SLC35F4: variants seen among roughly 807,000 people sequenced by gnomAD.
SLC35F4 encodes the protein chromosome 14 open reading frame 36.
A neutral mutation model predicts 44.2 loss-of-function variants in SLC35F4; 24 were observed. The observed-to-expected ratio is 0.54, with a 90% CI of 0.39 to 0.76. SLC35F4 has a LOEUF of 0.76. SLC35F4 is among the 30% of genes least tolerant of loss of function. The probability of loss-of-function intolerance (pLI) is 0.00; values close to 1 mark genes in which losing one functional copy is unlikely to be tolerated. For missense variants in SLC35F4, 562 were observed against 586.1 expected, an observed-to-expected ratio of 0.96 and a Z score of 0.42; for synonymous variants, 238 against 223.6, an observed-to-expected ratio of 1.06 and a Z score of -0.57.
Position 57,956,050 on chromosome 14 carries a change from G to A in SLC35F4, n.282+25863C>T, listed in dbSNP as rs145342442. 3.7e-3 allele frequency among the ~76,000 whole-genome samples: 556 copies of A among 152,134 alleles called. 4 individuals carry two copies. Among genetic ancestry groups the A allele is most frequent in the African/African-American group, 0.013 (536 of 41,514 alleles). On this transcript the variant is annotated intron_variant and non_coding_transcript_variant, in intron 1 of 1. Transcript: ENST00000556568. ...ACCTGACTTCAAACTATACTATAAG[G>A]CTACAATAAACAAAACAGCATGGTA...
At chr14:57,830,216 T>C (rs1391626959) in intron 1 of SLC35F4, among the ~76,000 whole-genome samples, 1 of 152,196 alleles carries the variant, frequency 6.6e-6, no homozygotes, top group Non-Finnish European at 1.5e-5. Flanking sequence ...TTTTCAGCTT[T>C]GTAACATTTC....
At chr14:57,761,571 A>T (rs893956578) in intron 1 of SLC35F4, among the ~76,000 whole-genome samples, 1 of 152,206 alleles carries the variant, frequency 6.6e-6, no homozygotes, top group Non-Finnish European at 1.5e-5. Flanking sequence ...TCCCTACTGT[A>T]CATTAAACTA....
At chr14:57,956,666 T>C (rs1174536160) in intron 1 of SLC35F4, among the ~76,000 whole-genome samples, 1 of 152,134 alleles carries the variant, frequency 6.6e-6, no homozygotes, top group Admixed American at 6.5e-5. Context: ...AAGACATTTA[T>C]GTGGCCAACA....
chr14:57,735,626 A>G (rs1281991311), intron 1 of SLC35F4, among the ~76,000 whole-genome samples: 5 of 152,162 alleles, frequency 3.3e-5, no homozygotes, highest in South Asian at 2.1e-4. Context: ...AAAAAGTACA[A>G]TGTTCCTCAA....
intron 6 of SLC35F4, among the ~76,000 whole-genome samples, chr14:57,568,776 A>G (rs12100542): frequency 0.27 from 40,441 of 152,056 alleles, 5,597 homozygotes; most frequent in Admixed American, 0.36. Context: ...GGGTTGATGG[A>G]TGTTCTGCAG....
At chr14:57,635,653 CTTAA>C (rs1486929719) in intron 1 of SLC35F4, among the ~76,000 whole-genome samples, 4 of 152,056 alleles carry the variant, frequency 2.6e-5, no homozygotes, top group African/African-American at 7.2e-5. Flanking sequence ...GAGACAGATG[CTTAA>C]TTAATAAGCA....
intron 1 of SLC35F4, among the ~76,000 whole-genome samples, chr14:57,780,676 C>A (rs866850426): frequency 4.6e-5 from 7 of 152,088 alleles, no homozygotes; most frequent in African/African-American, 1.7e-4. Context: ...CACTACTTGA[C>A]TTGAAACTAT....
At chr14:57,644,963 T>C (rs1159950013) in intron 1 of SLC35F4, among the ~76,000 whole-genome samples, 2 of 152,122 alleles carry the variant, frequency 1.3e-5, no homozygotes, top group Non-Finnish European at 2.9e-5. Flanking sequence ...GAGCTCTGTT[T>C]TGTTCCATTG....
intron 1 of SLC35F4, among the ~76,000 whole-genome samples, chr14:57,721,956 C>A (rs2076095999): frequency 6.7e-6 from 1 of 149,936 alleles, no homozygotes; most frequent in Admixed American, 6.7e-5. Context: ...GATGGCCACC[C>A]CCAACACTCC....
chr14:57,756,033 G>C (rs2076987096), intron 1 of SLC35F4, among the ~76,000 whole-genome samples: 1 of 152,186 alleles, frequency 6.6e-6, no homozygotes, highest in Admixed American at 6.5e-5. Flanking sequence ...TCCCTTCATG[G>C]TCAGGGAACT....
At chr14:57,693,774 C>T (rs113950311) in intron 1 of SLC35F4, among the ~76,000 whole-genome samples, 4,468 of 152,202 alleles carry the variant, frequency 0.029, 215 homozygotes, top group African/African-American at 0.1. Context: ...AGGGTCTCCC[C>T]GACTGAGCTG....
At chr14:57,618,300 G>C (rs1595065981) in intron 1 of SLC35F4, among the ~76,000 whole-genome samples, 2 of 152,208 alleles carry the variant, frequency 1.3e-5, no homozygotes, top group African/African-American at 2.4e-5. Flanking sequence ...GACTGACGCA[G>C]AAGGTGGGTG....
chr14:57,628,818 A>T (rs1219824522), intron 1 of SLC35F4, among the ~76,000 whole-genome samples: 1 of 152,166 alleles, frequency 6.6e-6, no homozygotes, highest in East Asian at 1.9e-4. Context: ...TTTAAAAAAA[A>T]TTTTCTCTTT....
At chr14:57,771,903 T>C (rs1304864860) in intron 1 of SLC35F4, among the ~76,000 whole-genome samples, 2 of 152,192 alleles carry the variant, frequency 1.3e-5, no homozygotes, top group East Asian at 3.8e-4. Context: ...CTGAATACTT[T>C]TTTTTTTAAA....
At chr14:57,851,948 A>G (rs1233643373) in intron 1 of SLC35F4, among the ~76,000 whole-genome samples, 1 of 152,228 alleles carries the variant, frequency 6.6e-6, no homozygotes, top group Non-Finnish European at 1.5e-5. Context: ...TATCTTGGAA[A>G]AAAGAAGCCT....
chr14:57,655,561 G>T (rs1185063180), intron 1 of SLC35F4, among the ~76,000 whole-genome samples: 2 of 152,072 alleles, frequency 1.3e-5, no homozygotes, highest in African/African-American at 4.8e-5. Context: ...CACTCTAGGG[G>T]ATGCCATTCA....
intron 1 of SLC35F4, among the ~76,000 whole-genome samples, chr14:57,921,273 G>A (rs1889437234): frequency 6.6e-6 from 1 of 152,116 alleles, no homozygotes; most frequent in South Asian, 2.1e-4. Flanking sequence ...CCATGCAGAG[G>A]GATAAGAAGG....
intron 1 of SLC35F4, among the ~76,000 whole-genome samples, chr14:57,742,169 C>T (rs542284650): frequency 3.9e-5 from 6 of 152,252 alleles, no homozygotes; most frequent in South Asian, 4.1e-4. Flanking sequence ...CATCAACTAA[C>T]GAGCAAAATA....
intron 1 of SLC35F4, among the ~76,000 whole-genome samples, chr14:57,690,915 C>G (rs2075212562): frequency 6.6e-6 from 1 of 152,094 alleles, no homozygotes; most frequent in Non-Finnish European, 1.5e-5. Flanking sequence ...GGCTTGCTTG[C>G]CCGCTGCTCA....
Sources: allele counts gnomAD v4.1 joint callset (sites outside exome capture counted in the v4.1 genomes callset), GRCh38; gene constraint gnomAD v4.1.1; transcripts MANE v1.5; gene names NCBI Gene and HGNC (gene_info 2026-07-23, HGNC 2026-07-21).